Variants in MAOB observed in about 807,000 individuals in gnomAD.
MAOB encodes the protein amine oxidase [flavin-containing] B.
MAOB carries 15 observed loss-of-function variants against 41.9 expected under a neutral mutation model. The observed-to-expected ratio is 0.36, with a 90% CI of 0.24 to 0.55. The LOEUF (loss-of-function observed/expected upper bound fraction) is 0.55, where lower values mean the gene tolerates loss of function less well. Ranked by LOEUF, MAOB falls within the 20% of genes least tolerant of loss-of-function variation. The pLI, the probability that MAOB is intolerant of heterozygous loss-of-function variation, is 0.86. For synonymous variants in MAOB, 167 were observed against 144.2 expected (o/e 1.16, Z -1.13); for missense variants, 345 against 398.7 (o/e 0.87, Z 1.15).
At chrX:43,809,098 T>A (rs2034709658) in intron 3 of MAOB, among the ~76,000 whole-genome samples, 1 of 111,287 alleles carries the variant, frequency 9.0e-6, no homozygotes, top group African/African-American at 3.3e-5. Context: ...ACATGTCATA[T>A]GGAAATGCTG....
At chrX:43,779,886 G>A (rs768628508) in intron 10 of MAOB, among the ~76,000 whole-genome samples, 9 of 111,571 alleles carry the variant, frequency 8.1e-5, no homozygotes, top group Non-Finnish European at 1.3e-4. Context: ...CACCTCCAGA[G>A]GAATTAGTCC....
intron 4 of MAOB, among the ~76,000 whole-genome samples, chrX:43,802,629 AG>A (rs1375986137): frequency 4.5e-5 from 5 of 112,052 alleles, no homozygotes; most frequent in African/African-American, 1.3e-4. Context: ...ACAGAGCTGC[AG>A]CAAATCATGT....
At chrX:43,780,201 A>G (rs1189574134) in intron 10 of MAOB, 141 bp downstream of exon 10, 2 of 475,999 alleles carry the variant, frequency 4.2e-6, no homozygotes, top group African/African-American at 4.9e-5. Flanking sequence ...ATAATTAGGC[A>G]GTCCGTAAGT....
intron 11 of MAOB, 39 bp from the exon 12 acceptor site, chrX:43,775,311 A>G: frequency 8.4e-7 from 1 of 1,187,249 alleles, no homozygotes; most frequent in Admixed American, 2.4e-5. Flanking sequence ...GGAGACTCAG[A>G]GAAAGCTATT....
At chrX:43,797,696 C>G (rs929137897) in intron 5 of MAOB, among the ~76,000 whole-genome samples, 1 of 112,047 alleles carries the variant, frequency 8.9e-6, no homozygotes, top group Non-Finnish European at 1.9e-5. Context: ...ACTCCACCTT[C>G]ACCACAAATT....
At position 43,808,894 on chromosome X, in the gene MAOB, G is replaced by A. The variant is rs371890318; in HGVS notation, c.280-5490C>T. ...TAATTTTTGTATTTTTAGTAGAGAC[G>A]TGGTTTCACCATGTTGGCCAAGCTG... On this transcript the variant is annotated intron_variant, in intron 3 of 14. Coordinates refer to ENST00000378069, the MANE Select transcript of MAOB (RefSeq NM_000898.5). 9.3e-4 allele frequency among the ~76,000 whole-genome samples: 102 copies of A among 110,262 alleles called. 2 individuals are homozygous for A. The highest frequency in any genetic ancestry group is 8.1e-3 in the Admixed American group (83 of 10,267).
At chrX:43,853,984 T>C (rs1391754841) in intron 1 of MAOB, among the ~76,000 whole-genome samples, 1 of 112,751 alleles carries the variant, frequency 8.9e-6, no homozygotes, top group Non-Finnish European at 1.9e-5. Context: ...TTATCTTCTG[T>C]ACTAACTAAC....
In MAOB at chrX:43,870,037, C is replaced by T. The variant is rs150085153; in HGVS notation, c.46+12217G>A. ...TAATCACTTTCAGCATTTTCAACAC[C>T]CTGTGAGAAATCCTACAGGAAGCTG... is the stretch of plus-strand genomic sequence containing the variant. On this transcript the variant is annotated intron_variant, in intron 1 of 14. Coordinates refer to ENST00000378069, the MANE Select transcript of MAOB (RefSeq NM_000898.5). 1.7e-3 allele frequency among the ~76,000 whole-genome samples: 190 copies of T among 112,042 alleles called. 1 individual carries two copies. The highest frequency in any genetic ancestry group is 9.2e-3 in the Middle Eastern group (2 of 218).
intron 1 of MAOB, among the ~76,000 whole-genome samples, chrX:43,866,587 T>C (rs1435552282): frequency 8.9e-6 from 1 of 112,368 alleles, no homozygotes; most frequent in Non-Finnish European, 1.9e-5. Context: ...TATTGCTTAA[T>C]GCGTACAGAG....
Position 43,882,434 on chromosome X carries a change from C to T in MAOB, c.-135G>A, listed in dbSNP as rs1304724937. The T allele has an allele frequency of 5.4e-5, 55 of 1,016,258 alleles. No individual in the cohort carries two copies. Among genetic ancestry groups the T allele is most frequent in the Non-Finnish European group, 6.0e-5 (48 of 801,293 alleles). 83.8% of individuals were successfully genotyped at this position (1,016,258 alleles called of 1,213,427 possible). A position where few individuals can be genotyped will look rare whatever the true frequency, so the allele number is the denominator to read the frequency against. On this transcript the variant is annotated 5_prime_UTR_variant, in exon 1 of 15. Transcript: ENST00000378069. ...GCGCTGCCCCCGTGCACCAGCGCCT[C>T]GGCGAGCCGCTATATTACCAGCCCC...
At chrX:43,775,351 G>T in intron 11 of MAOB, 79 bp from the exon 12 acceptor site, 1 of 1,129,745 alleles carries the variant, frequency 8.9e-7, no homozygotes, top group Non-Finnish European at 1.2e-6. Context: ...CAGTTTAGTA[G>T]GCTTTGTATT....
rs4071606 is a variant in MAOB, at chrX:43,808,633, C to CATCTATATCTATATCTAT, written c.280-5247_280-5230dup. On this transcript the variant is annotated intron_variant, in intron 3 of 14. Transcript: ENST00000378069. ...CCCTGCCCAACAAAAGCATCCTGCA[C>CATCTATATCTATATCTAT]ATCTATATCTATATCTATATCTATA... Among the ~76,000 whole-genome samples the CATCTATATCTATATCTAT allele has an allele frequency of 6.7e-3, 596 of 89,152 alleles. 7 individuals are homozygous for CATCTATATCTATATCTAT. The highest frequency in any genetic ancestry group is 0.017 in the African/African-American group (393 of 23,545). The allele number at this position is 89,152 out of a possible 115,157, so 77.4% of individuals were successfully genotyped here. A position where few individuals can be genotyped will look rare whatever the true frequency, so the allele number is the denominator to read the frequency against.
intron 3 of MAOB, among the ~76,000 whole-genome samples, chrX:43,835,011 T>C (rs1312979306): frequency 8.9e-6 from 1 of 112,222 alleles, no homozygotes; most frequent in Non-Finnish European, 1.9e-5. Flanking sequence ...CAGACTTTAC[T>C]TTCAAATTTC....
intron 1 of MAOB, among the ~76,000 whole-genome samples, chrX:43,860,262 G>C (rs1168818038): frequency 8.9e-6 from 1 of 111,782 alleles, no homozygotes; most frequent in East Asian, 2.8e-4. Flanking sequence ...TGAAACTTCA[G>C]ACTTGATATG....
At chrX:43,776,421 C>A (rs1024783469) in intron 11 of MAOB, among the ~76,000 whole-genome samples, 1 of 112,284 alleles carries the variant, frequency 8.9e-6, no homozygotes, top group Non-Finnish European at 1.9e-5. Flanking sequence ...TCCCCTTCAA[C>A]TGAAGTTCCC....
intron 9 of MAOB, among the ~76,000 whole-genome samples, chrX:43,781,180 T>C (rs1470264149): frequency 8.9e-6 from 1 of 111,748 alleles, no homozygotes; most frequent in Non-Finnish European, 1.9e-5. Flanking sequence ...CACCTAAATA[T>C]GTCTACCCCC....
chrX:43,819,823 G>C (rs1270408004), intron 3 of MAOB, among the ~76,000 whole-genome samples: 2 of 112,034 alleles, frequency 1.8e-5, no homozygotes, highest in Non-Finnish European at 1.9e-5. Flanking sequence ...TAAAGGAAAT[G>C]AGACATAGAG....
intron 10 of MAOB, among the ~76,000 whole-genome samples, chrX:43,779,348 A>G (rs1280655054): frequency 8.9e-6 from 1 of 112,001 alleles, no homozygotes; most frequent in Non-Finnish European, 1.9e-5. Flanking sequence ...ATTTTCTTAC[A>G]CCAAAATATG....
At chrX:43,793,147 A>G (rs1485335542) in intron 8 of MAOB, among the ~76,000 whole-genome samples, 1 of 111,680 alleles carries the variant, frequency 9.0e-6, no homozygotes, top group Non-Finnish European at 1.9e-5. Context: ...TATGGATATA[A>G]AGATGAAAAT....
Sources: gnomAD v4.1 joint callset for allele counts (sites outside exome capture counted in the v4.1 genomes callset) on GRCh38, gnomAD v4.1.1 for gene constraint, MANE v1.5 for transcripts, NCBI Gene and HGNC (gene_info 2026-07-23, HGNC 2026-07-21) for gene names.